The following CAMK2D variants were observed in gnomAD, a reference collection of about 807,000 sequenced individuals.
CAMK2D encodes calcium/calmodulin-dependent protein kinase type II subunit delta.
A neutral mutation model predicts 84.0 loss-of-function variants in CAMK2D; 37 were observed. That is an observed-to-expected ratio of 0.44 (90% CI 0.34 to 0.58). The LOEUF (loss-of-function observed/expected upper bound fraction) is 0.58. Among genes scored for constraint, CAMK2D ranks in the 20% least tolerant of loss-of-function variants. The pLI is 0.02. For synonymous variants in CAMK2D, 202 were observed against 212.5 expected, an observed-to-expected ratio of 0.95 and a Z score of 0.43; for missense variants, 448 against 652.5, an observed-to-expected ratio of 0.69 and a Z score of 3.41.
chr4:113,724,260 T>C (rs561419118), intron 2 of CAMK2D, among the ~76,000 whole-genome samples: 155 of 152,210 alleles, frequency 1.0e-3, no homozygotes, highest in African/African-American at 3.7e-3. Flanking sequence ...TTATTTGTTA[T>C]TGAAGTCTTT....
chr4:113,744,715 C>T (rs940591197), intron 2 of CAMK2D, among the ~76,000 whole-genome samples: 6 of 152,032 alleles, frequency 3.9e-5, no homozygotes, highest in African/African-American at 1.4e-4. Context: ...ATAAGAAAAC[C>T]AAGGCTTGAG....
chr4:113,508,269 C>T (rs1162720461), intron 13 of CAMK2D: 2 of 1,543,972 alleles, frequency 1.3e-6, no homozygotes, highest in South Asian at 2.4e-5. Flanking sequence ...ACTTCCTTTT[C>T]TGAATTGACC....
At chr4:113,708,298 G>C (rs1050637354) in intron 2 of CAMK2D, among the ~76,000 whole-genome samples, 2 of 152,154 alleles carry the variant, frequency 1.3e-5, no homozygotes, top group African/African-American at 4.8e-5. Flanking sequence ...TAATCAGAAG[G>C]CTTCTAAGGT....
intron 3 of CAMK2D, among the ~76,000 whole-genome samples, chr4:113,656,851 A>C (rs1050031661): frequency 2.6e-5 from 4 of 152,140 alleles, no homozygotes; most frequent in Admixed American, 2.6e-4. Context: ...CTAACCAAAC[A>C]TCAGGCAGGT....
intron 2 of CAMK2D, among the ~76,000 whole-genome samples, chr4:113,732,806 A>G (rs558649164): frequency 6.6e-6 from 1 of 152,260 alleles, no homozygotes; most frequent in East Asian, 1.9e-4. Flanking sequence ...CTATTCATTT[A>G]GAGTTAATAG....
chr4:113,615,232 G>A (rs931909558), intron 3 of CAMK2D, among the ~76,000 whole-genome samples: 9 of 151,792 alleles, frequency 5.9e-5, no homozygotes, highest in Non-Finnish European at 1.5e-5. Flanking sequence ...CCCCAAAAGA[G>A]GGAAGCCAAC....
chr4:113,508,242 C>T, intron 13 of CAMK2D: 2 of 1,550,702 alleles, frequency 1.3e-6, no homozygotes, highest in Non-Finnish European at 1.7e-6. Context: ...TCACCATCAT[C>T]TGAACACTCG....
chr4:113,736,538 C>T (rs777957568), intron 2 of CAMK2D, among the ~76,000 whole-genome samples: 16 of 152,096 alleles, frequency 1.1e-4, no homozygotes, highest in Non-Finnish European at 1.3e-4. Flanking sequence ...TGCAATGGCA[C>T]GTATTCCACA....
intron 4 of CAMK2D, among the ~76,000 whole-genome samples, chr4:113,565,209 AG>A (rs1027740266): frequency 6.6e-6 from 1 of 152,182 alleles, no homozygotes; most frequent in African/African-American, 2.4e-5. Context: ...CAGGCAAGGT[AG>A]GGGGTTGGTG....
intron 8 of CAMK2D, among the ~76,000 whole-genome samples, chr4:113,526,196 G>T (rs981915326): frequency 6.6e-6 from 1 of 152,130 alleles, no homozygotes; most frequent in Non-Finnish European, 1.5e-5. Flanking sequence ...GATCTCAAGT[G>T]CATTTCTAGA....
At chr4:113,663,191 A>G (rs536129373) in intron 2 of CAMK2D, among the ~76,000 whole-genome samples, 12 of 152,346 alleles carry the variant, frequency 7.9e-5, no homozygotes, top group Admixed American at 2.0e-4. Context: ...AGCTACTTCC[A>G]ACTTATTTAG....
rs1355074056 is a variant in CAMK2D, at chr4:113,737,875, G to A, written c.160+21445C>T. On this transcript the variant is annotated intron_variant, in intron 2 of 20. Transcript: ENST00000511664. ...CTCTAGTAAATGAGAATATGCATTG[G>A]GAAAGAGTGAAGAGCTCTCATCTGG... Among the ~76,000 whole-genome samples, 3 of 152,004 alleles carry A rather than the reference G, an allele frequency of 2.0e-5. No individual in the cohort carries two copies. The East Asian group carries it at 5.8e-4, about 29-fold the overall frequency.
intron 3 of CAMK2D, among the ~76,000 whole-genome samples, chr4:113,624,788 A>G (rs1250050422): frequency 6.6e-6 from 1 of 152,222 alleles, no homozygotes; most frequent in Admixed American, 6.5e-5. Flanking sequence ...GTGAATGATA[A>G]GCCCATAATT....
chr4:113,517,155 T>C (rs948367912), intron 9 of CAMK2D, among the ~76,000 whole-genome samples: 46 of 152,206 alleles, frequency 3.0e-4, no homozygotes, highest in African/African-American at 1.1e-3. Context: ...AGTGGGATAA[T>C]GTTCTATTTG....
chr4:113,754,890 T>C, intron 2 of CAMK2D: 1 of 983,212 alleles, frequency 1.0e-6, no homozygotes, highest in Non-Finnish European at 1.2e-6. Flanking sequence ...TATGTACAAA[T>C]ATAAAAATGA....
At chr4:113,582,436 G>C (rs11946664) in intron 4 of CAMK2D, among the ~76,000 whole-genome samples, 1 of 151,988 alleles carries the variant, frequency 6.6e-6, no homozygotes, top group African/African-American at 2.4e-5. Flanking sequence ...TCTGAGTTTC[G>C]ACAAACACAT....
At chr4:113,633,961 C>G (rs2099100499) in intron 3 of CAMK2D, among the ~76,000 whole-genome samples, 1 of 152,180 alleles carries the variant, frequency 6.6e-6, no homozygotes, top group African/African-American at 2.4e-5. Context: ...GAAAAAGCAG[C>G]ATTATTGTGC....
At chr4:113,557,618 G>C (rs561088831) in intron 4 of CAMK2D, among the ~76,000 whole-genome samples, 33 of 152,156 alleles carry the variant, frequency 2.2e-4, no homozygotes, top group Non-Finnish European at 4.6e-4. Context: ...ATGAATTCAG[G>C]GCTGTGCAAG....
At chr4:113,494,194 C>T (rs2154142445) in intron 16 of CAMK2D, among the ~76,000 whole-genome samples, 1 of 152,350 alleles carries the variant, frequency 6.6e-6, no homozygotes, top group Admixed American at 6.5e-5. Flanking sequence ...GAACTGCGTT[C>T]CTTTGGAGGA....
Sources: gnomAD v4.1 joint callset for allele counts (sites outside exome capture counted in the v4.1 genomes callset) on GRCh38, gnomAD v4.1.1 for gene constraint, MANE v1.5 for transcripts, NCBI Gene and HGNC (gene_info 2026-07-23, HGNC 2026-07-21) for gene names.